MPPED1: variants seen among roughly 807,000 people sequenced by gnomAD.
MPPED1 encodes metallophosphoesterase domain-containing protein 1.
MPPED1 carries 16 observed loss-of-function variants against 36.2 expected under a neutral mutation model. The ratio of observed to expected loss-of-function variants is 0.44; its 90% confidence interval spans 0.30 to 0.67. MPPED1 has a LOEUF of 0.67. MPPED1 is among the 30% of genes least tolerant of loss of function. The pLI, the probability that MPPED1 is intolerant of heterozygous loss-of-function variation, is 0.10. For synonymous variants in MPPED1, 199 were observed against 191.3 expected (o/e 1.04, Z -0.33); for missense variants, 307 against 453.4 (o/e 0.68, Z 2.93).
intron 3 of MPPED1, among the ~76,000 whole-genome samples, chr22:43,448,996 T>A (rs998952872): frequency 5.9e-5 from 9 of 152,134 alleles, no homozygotes; most frequent in Non-Finnish European, 1.0e-4. Flanking sequence ...TCTTTTTTTT[T>A]AGGCAAATTC....
At chr22:43,483,191 A>G (rs1931803312) in intron 4 of MPPED1, among the ~76,000 whole-genome samples, 1 of 152,214 alleles carries the variant, frequency 6.6e-6, no homozygotes, top group African/African-American at 2.4e-5. Context: ...ATAAATATAT[A>G]TTTTAGAGAA....
intron 3 of MPPED1, among the ~76,000 whole-genome samples, chr22:43,448,897 A>AT (rs931114497): frequency 2.0e-5 from 3 of 151,962 alleles, no homozygotes; most frequent in Non-Finnish European, 4.4e-5. Flanking sequence ...CCAGCCCTAC[A>AT]TTTTTTATTT....
chr22:43,460,242 CAAAAACAAAA>C (rs1343384408), intron 3 of MPPED1, among the ~76,000 whole-genome samples: 2 of 131,066 alleles, frequency 1.5e-5, no homozygotes, highest in South Asian at 5.3e-4. Context: ...AAAACAAAAA[CAAAAACAAAA>C]ACAAACCCAA....
At position 43,474,045 on chromosome 22, in the gene MPPED1, G is replaced by A. The variant is rs577502995; in HGVS notation, c.407-691G>A. ...TTTGAATTTCCATGGCAGTAGGGGT[G>A]GGTACTATAATGTTTCCTGAGTGTG... On this transcript the variant is annotated intron_variant, in intron 3 of 6. Coordinates refer to ENST00000443721, the MANE Select transcript of MPPED1 (RefSeq NM_001044370.2). This position sits in a 1 kb window ranked among gnomAD's most constrained non-coding sequence, Gnocchi z 5.2. 6.6e-6 allele frequency among the ~76,000 whole-genome samples: 1 copy of A among 152,304 alleles called. No individual in the cohort carries two copies. The highest frequency in any genetic ancestry group is 1.9e-4 in the East Asian group (1 of 5,186).
chr22:43,413,969 C>T (rs1928993065), intron 1 of MPPED1, among the ~76,000 whole-genome samples: 1 of 152,172 alleles, frequency 6.6e-6, no homozygotes, highest in African/African-American at 2.4e-5. Context: ...AGAGAGTCAC[C>T]TACATGGCCG....
At chr22:43,485,277 CAA>C (rs1199386850) in intron 4 of MPPED1, among the ~76,000 whole-genome samples, 1 of 152,022 alleles carries the variant, frequency 6.6e-6, no homozygotes, top group African/African-American at 2.4e-5. Flanking sequence ...TCCACACGCT[CAA>C]ACACATGCAT....
At chr22:43,500,201 A>G (rs368636549) in intron 5 of MPPED1, among the ~76,000 whole-genome samples, 1,339 of 7,666 alleles carry the variant, frequency 0.17, 20 homozygotes, top group Non-Finnish European at 0.2. Context: ...TGGAGGTGGT[A>G]ATGGAGGTGG....
At chr22:43,492,796 G>A (rs183918945) in intron 4 of MPPED1, among the ~76,000 whole-genome samples, 1 of 152,194 alleles carries the variant, frequency 6.6e-6, no homozygotes, top group Non-Finnish European at 1.5e-5. Flanking sequence ...AGCTTGGCTG[G>A]TAGGGGACTG....
Position 43,505,514 on chromosome 22 carries a change from A to G in MPPED1, c.879A>G (p.Ala293=). ...GHIHEGYGVM[A]DGTTTYVNAS... is the part of the protein sequence containing the mutation. ...ACTTTCCAGGGTATGGTGTCATGGCAGATGGGACGACCACCTATGTGAATG... is the reference window on the plus strand; with the variant it reads ...ACTTTCCAGGGTATGGTGTCATGGCGGATGGGACGACCACCTATGTGAATG... Residue 293 remains alanine (A), a synonymous_variant, in exon 7 of 7, where the codon GCA becomes GCG. Transcript: ENST00000443721. The G allele has an allele frequency of 6.2e-7, 1 of 1,610,446 alleles. No homozygotes were observed. The highest frequency in any genetic ancestry group is 1.7e-4 in the Middle Eastern group (1 of 6,056).
intron 3 of MPPED1, among the ~76,000 whole-genome samples, chr22:43,445,668 C>T (rs59179118): frequency 0.04 from 6,086 of 151,340 alleles, 170 homozygotes; most frequent in African/African-American, 0.063. Flanking sequence ...TTAAGCAACC[C>T]TCCCGTCTTA....
At chr22:43,412,668 C>CCCATCCATCCATCCATCCCTCCCATCCAT (rs1928944744) in intron 1 of MPPED1, among the ~76,000 whole-genome samples, 1 of 149,160 alleles carries the variant, frequency 6.7e-6, no homozygotes, top group Admixed American at 6.6e-5. Flanking sequence ...ATCCCTCCCT[C>CCCATCCATCCATCCATCCCTCCCATCCAT]CCATCCATCC....
rs1387621370 is a variant in MPPED1, at chr22:43,502,330, C to T, written c.749-314C>T. ...TGCCACCCTTGAGGCCACTCGAGCACAGATGGTCTGGGGGGCGCCAGCAGT... is the reference window on the plus strand; with the variant it reads ...TGCCACCCTTGAGGCCACTCGAGCATAGATGGTCTGGGGGGCGCCAGCAGT... On this transcript the variant is annotated intron_variant, in intron 5 of 6. Transcript: ENST00000443721. The surrounding 1 kb of genome is among the most constrained non-coding windows in gnomAD (Gnocchi z 5.5). 1.3e-5 allele frequency among the ~76,000 whole-genome samples: 2 copies of T among 152,202 alleles called. No homozygotes were observed. Among genetic ancestry groups the T allele is most frequent in the African/African-American group, 2.4e-5 (1 of 41,454 alleles).
chr22:43,445,884 TC>T (rs543930908), intron 3 of MPPED1, among the ~76,000 whole-genome samples: 1,874 of 53,734 alleles, frequency 0.035, 124 homozygotes, highest in African/African-American at 0.059. Context: ...GTTTACATTT[TC>T]TTTTTTTTTT....
chr22:43,458,732 G>T (rs1930841533), intron 3 of MPPED1, among the ~76,000 whole-genome samples: 1 of 152,302 alleles, frequency 6.6e-6, no homozygotes, highest in East Asian at 1.9e-4. Context: ...GCTAGTGACA[G>T]ATTCAGTTTG....
chr22:43,425,310 A>G (rs2146820027), intron 2 of MPPED1, 101 bp downstream of exon 2: 2 of 1,445,076 alleles, frequency 1.4e-6, no homozygotes, highest in Non-Finnish European at 1.8e-6. Flanking sequence ...TGTAACAAGC[A>G]TTGAATGTTT....
chr22:43,473,929 G>T (rs12159524), intron 3 of MPPED1, among the ~76,000 whole-genome samples: 1 of 152,206 alleles, frequency 6.6e-6, no homozygotes, highest in African/African-American at 2.4e-5. Flanking sequence ...CCAAAAGTTC[G>T]CACACAGCAA....
chr22:43,467,952 T>C (rs1384189162), intron 3 of MPPED1, among the ~76,000 whole-genome samples: 1 of 152,150 alleles, frequency 6.6e-6, no homozygotes, highest in Non-Finnish European at 1.5e-5. Context: ...CGATAAAGAA[T>C]TGTACCTTTT....
chr22:43,456,115 C>T (rs375548354), intron 3 of MPPED1, among the ~76,000 whole-genome samples: 5 of 152,198 alleles, frequency 3.3e-5, no homozygotes, highest in East Asian at 1.9e-4. Context: ...TCTTCCCTTC[C>T]GTTCTGGATG....
chr22:43,444,671 CT>C (rs1002913351), intron 3 of MPPED1, among the ~76,000 whole-genome samples: 12 of 151,720 alleles, frequency 7.9e-5, no homozygotes, highest in Non-Finnish European at 1.6e-4. Flanking sequence ...CCCTTTATTT[CT>C]TTATTTTTTT....
Sources: allele counts gnomAD v4.1 joint callset (sites outside exome capture counted in the v4.1 genomes callset), GRCh38; gene constraint gnomAD v4.1.1; non-coding constraint Gnocchi (gnomAD v3.1); transcripts MANE v1.5; gene names NCBI Gene and HGNC (gene_info 2026-07-23, HGNC 2026-07-21).